The following ADGB variants were observed in gnomAD, a reference collection of about 807,000 sequenced individuals.
The protein encoded by ADGB is calpain-7-like protein.
ADGB carries 172 observed loss-of-function variants against 210.5 expected under a neutral mutation model. The observed-to-expected ratio is 0.82, with a 90% confidence interval of 0.72 to 0.93. The LOEUF is 0.93. Among genes scored for constraint, ADGB ranks in the 40% least tolerant of loss-of-function variants. The pLI, the probability that ADGB is intolerant of heterozygous loss-of-function variation, is 0.00. For missense variants in ADGB, 2,025 were observed against 1,964.8 expected, an observed-to-expected ratio of 1.03 and a Z score of -0.58; for synonymous variants, 658 against 662.7, an observed-to-expected ratio of 0.99 and a Z score of 0.11.
rs1402806228 is a variant in ADGB, at chr6:146,666,817, A to C, written c.754A>C (p.Ile252Leu). The C allele has an allele frequency of 3.2e-6, 5 of 1,543,362 alleles. No homozygotes were observed. Among genetic ancestry groups the C allele is most frequent in the Non-Finnish European group, 4.4e-6 (5 of 1,141,554 alleles). The part of the protein sequence containing the change: ...KAIIKLANID[I>L]HVADRRELGE... ...AACATTATGCATGTTCTTTTTTAGC[A>C]TCCATGTAGCAGACAGGAGAGAGCT... The change falls in exon 7 of 36, where the codon ATC becomes CTC. Residue 252 changes from isoleucine (I) to leucine (L), a missense_variant and splice_region_variant. Coordinates refer to ENST00000397944, the MANE Select transcript of ADGB (RefSeq NM_024694.4).
At chr6:146,788,692 A>G in intron 33 of ADGB, 82 bp downstream of exon 33, 2 of 1,215,636 alleles carry the variant, frequency 1.6e-6, no homozygotes, top group South Asian at 1.3e-5. Context: ...AACATCAGTG[A>G]CGGCTAGGGC....
intron 3 of ADGB, among the ~76,000 whole-genome samples, chr6:146,646,828 C>A (rs1775622451): frequency 6.6e-6 from 1 of 152,072 alleles, no homozygotes; most frequent in Admixed American, 6.6e-5. Flanking sequence ...GTGGCTCATG[C>A]CTGTAATCCC....
intron 28 of ADGB, 115 bp downstream of exon 28, chr6:146,764,215 C>T (rs1233083379): frequency 2.4e-6 from 2 of 848,416 alleles, no homozygotes; most frequent in African/African-American, 1.7e-5. Context: ...AATGTATAGC[C>T]AGAATTGGAG....
At position 146,672,375 on chromosome 6, in the gene ADGB, A is replaced by G. The variant is rs1480610414; in HGVS notation, c.995A>G (p.Asp332Gly). Reference protein sequence around the residue: ...KEGKEGKEIKDGKEVKDVKEF... With the variant: ...KEGKEGKEIKGGKEVKDVKEF... ...GGGAAGGAGGGAAAAGAAATAAAGG[A>G]TGGAAAGGAAGTAAAAGACGTGAAG... The change falls in exon 8 of 36, where the codon GAT (aspartate) becomes GGT (glycine). Residue 332 changes from aspartate to glycine, a missense_variant. Asp to Gly is a moderately conservative substitution (Grantham distance 94). Transcript: ENST00000397944. 1.9e-6 allele frequency: 3 copies of G among 1,551,220 alleles called. No homozygotes were observed. The highest frequency in any genetic ancestry group is 2.6e-6 in the Non-Finnish European group (3 of 1,146,814).
At chr6:146,625,331 A>G (rs1780956862) in intron 1 of ADGB, among the ~76,000 whole-genome samples, 1 of 152,004 alleles carries the variant, frequency 6.6e-6, no homozygotes, top group African/African-American at 2.4e-5. Context: ...TTCTTTTATT[A>G]CTGGTAATAT....
chr6:146,799,915 T>C (rs1778101057), intron 33 of ADGB, among the ~76,000 whole-genome samples: 1 of 151,992 alleles, frequency 6.6e-6, no homozygotes, highest in African/African-American at 2.4e-5. Flanking sequence ...GTTCAAGCGA[T>C]TCTCCTGCCT....
chr6:146,807,849 C>T (rs140334469), intron 35 of ADGB: 2,858 of 218,422 alleles, frequency 0.013, 90 homozygotes, highest in African/African-American at 0.061. Context: ...AAACTGCCTG[C>T]ATTTTTAATT....
At chr6:146,599,351 C>G (rs894133840) in intron 1 of ADGB, among the ~76,000 whole-genome samples, 9 of 152,186 alleles carry the variant, frequency 5.9e-5, no homozygotes, top group African/African-American at 2.2e-4. Flanking sequence ...GGGTGTTCAG[C>G]TCCCATGGGT....
intron 23 of ADGB, 137 bp from the exon 24 acceptor site, chr6:146,740,322 C>T: frequency 1.3e-6 from 1 of 759,234 alleles, no homozygotes. Context: ...ACACAGACCC[C>T]CTTTGATCAA....
At chr6:146,610,415 T>G (rs1780689633) in intron 1 of ADGB, among the ~76,000 whole-genome samples, 1 of 152,216 alleles carries the variant, frequency 6.6e-6, no homozygotes, top group South Asian at 2.1e-4. Context: ...GAAGACACTT[T>G]GGCTTTTATA....
chr6:146,786,648 C>T (rs1050146360), intron 32 of ADGB, among the ~76,000 whole-genome samples: 23 of 152,056 alleles, frequency 1.5e-4, no homozygotes, highest in Non-Finnish European at 2.9e-4. Context: ...CTCAGAGAGC[C>T]ACCTTATTCT....
intron 28 of ADGB, 54 bp from the exon 29 acceptor site, chr6:146,768,965 AG>A: frequency 1.1e-6 from 1 of 919,682 alleles, no homozygotes; most frequent in South Asian, 2.0e-5. Context: ...AAATGACATT[AG>A]GCACATACCA....
intron 13 of ADGB, among the ~76,000 whole-genome samples, chr6:146,713,920 G>C (rs1562281154): frequency 6.6e-6 from 1 of 151,906 alleles, no homozygotes; most frequent in East Asian, 1.9e-4. Context: ...AGCTTGTATT[G>C]TTTATGCCAC....
At chr6:146,803,078 ATAT>A in intron 35 of ADGB, 1 of 1,544,130 alleles carries the variant, frequency 6.5e-7, no homozygotes, top group Non-Finnish European at 8.9e-7. Flanking sequence ...CAAGTGAGAT[ATAT>A]TGTTTTTCTT....
chr6:146,788,931 A>AT (rs1452806372), intron 33 of ADGB, among the ~76,000 whole-genome samples: 16 of 152,290 alleles, frequency 1.1e-4, no homozygotes, highest in African/African-American at 3.8e-4. Flanking sequence ...TTAAACACAG[A>AT]TTTTTTTGTG....
intron 23 of ADGB, among the ~76,000 whole-genome samples, chr6:146,738,758 G>T (rs1335099074): frequency 6.6e-6 from 1 of 152,016 alleles, no homozygotes; most frequent in Non-Finnish European, 1.5e-5. Context: ...GCGCCCGGCC[G>T]AATCCCATTT....
intron 27 of ADGB, among the ~76,000 whole-genome samples, chr6:146,761,991 A>G (rs11155487): frequency 0.53 from 80,228 of 151,808 alleles, 22,084 homozygotes; most frequent in African/African-American, 0.66. Context: ...GTATGTCTCC[A>G]TGTTTTACCA....
chr6:146,628,126 T>C (rs1375535060), intron 1 of ADGB, among the ~76,000 whole-genome samples: 1 of 152,116 alleles, frequency 6.6e-6, no homozygotes, highest in Non-Finnish European at 1.5e-5. Context: ...TAAAGTCGTT[T>C]TTACAAGCAT....
chr6:146,672,787 G>C (rs1451054484), intron 8 of ADGB, among the ~76,000 whole-genome samples: 1 of 149,806 alleles, frequency 6.7e-6, no homozygotes, highest in Non-Finnish European at 1.5e-5. Context: ...CTGGAGTCCA[G>C]TGGCACAATC....
Sources: gnomAD v4.1 joint callset for allele counts (sites outside exome capture counted in the v4.1 genomes callset) on GRCh38, gnomAD v4.1.1 for gene constraint, MANE v1.5 for transcripts, NCBI Gene and HGNC (gene_info 2026-07-23, HGNC 2026-07-21) for gene names.